The following XKR9 variants were observed in gnomAD, a reference collection of about 807,000 sequenced individuals.
XKR9 encodes XK related 9.
Under a neutral mutation model 32.0 loss-of-function variants are expected in XKR9, and 32 were observed. The ratio of observed to expected loss-of-function variants is 1.00; its 90% CI spans 0.76 to 1.34. The LOEUF (loss-of-function observed/expected upper bound fraction) is 1.34. Ranked by LOEUF, XKR9 falls within the 40% of genes most tolerant of loss-of-function variation. The probability of loss-of-function intolerance (pLI) is 0.00; values close to 1 mark genes in which losing one functional copy is unlikely to be tolerated. For synonymous variants in XKR9, 168 were observed against 143.4 expected, an observed-to-expected ratio of 1.17 and a Z score of -1.22; for missense variants, 546 against 429.7, an observed-to-expected ratio of 1.27 and a Z score of -2.39.
At chr8:71,000,899 G>A in the XKR9 span, among the ~76,000 whole-genome samples, 4 of 152,158 alleles carry the variant, frequency 2.6e-5, no homozygotes, top group Non-Finnish European at 5.9e-5. Flanking sequence ...GAAATGAGAG[G>A]GCTACTTCTT....
At chr8:70,705,381 T>G (rs559744646) in intron 3 of XKR9, among the ~76,000 whole-genome samples, 1 of 152,236 alleles carries the variant, frequency 6.6e-6, no homozygotes, top group African/African-American at 2.4e-5. Flanking sequence ...AGAAAAATAA[T>G]ATAGGGTAAA....
Position 70,744,560 on chromosome 8 carries a change from T to C in XKR9, n.352+37407T>C, listed in dbSNP as rs142488293. On this transcript the variant is annotated intron_variant and non_coding_transcript_variant, in intron 2 of 3. Coordinates refer to the XKR9 transcript ENST00000520273. ...ATTTTTTGTGAAACCATGCTATCTTTATCTGATGAATAGGTTACCTACAGC... is the reference window on the plus strand; with the variant it reads ...ATTTTTTGTGAAACCATGCTATCTTCATCTGATGAATAGGTTACCTACAGC... Among the ~76,000 whole-genome samples, 3 of 152,346 alleles carry C rather than the reference T, an allele frequency of 2.0e-5. No homozygotes were observed. The East Asian group carries it at 5.8e-4, about 29-fold the overall frequency.
chr8:70,967,065 C>CTT, the XKR9 span, among the ~76,000 whole-genome samples: 3 of 101,282 alleles, frequency 3.0e-5, no homozygotes, highest in East Asian at 4.4e-4. Flanking sequence ...GATCTTGACT[C>CTT]TTTTTTTTTT....
At chr8:70,937,794 G>C in the XKR9 span, among the ~76,000 whole-genome samples, 1 of 152,060 alleles carries the variant, frequency 6.6e-6, no homozygotes, top group Non-Finnish European at 1.5e-5. Flanking sequence ...AGGGCTTCCA[G>C]CACACTGACC....
the XKR9 span, among the ~76,000 whole-genome samples, chr8:71,026,810 T>C: frequency 6.6e-6 from 1 of 152,168 alleles, no homozygotes; most frequent in Non-Finnish European, 1.5e-5. Flanking sequence ...ATGTGACCCA[T>C]GAGATGTTCA....
chr8:70,762,662 T>C (rs1807324135), intron 2 of XKR9, among the ~76,000 whole-genome samples: 1 of 152,174 alleles, frequency 6.6e-6, no homozygotes, highest in South Asian at 2.1e-4. Context: ...TTTTTGAAAA[T>C]AATAATATAT....
chr8:70,875,040 T>G, the XKR9 span, among the ~76,000 whole-genome samples: 1 of 152,212 alleles, frequency 6.6e-6, no homozygotes, highest in Non-Finnish European at 1.5e-5. Flanking sequence ...AAATCAGATT[T>G]CTGTTACTAG....
chr8:70,898,614 A>T, the XKR9 span, among the ~76,000 whole-genome samples: 1 of 152,168 alleles, frequency 6.6e-6, no homozygotes, highest in Non-Finnish European at 1.5e-5. Context: ...TGTAAGTTTC[A>T]CATATTTGGG....
Position 70,734,296 on chromosome 8 carries a change from G to A in XKR9, c.994G>A (p.Gly332Arg). The A allele has an allele frequency of 6.2e-7, 1 of 1,612,234 alleles. No individual in the cohort carries two copies. Among genetic ancestry groups the A allele is most frequent in the Non-Finnish European group, 8.5e-7 (1 of 1,179,236 alleles). The change falls in exon 5 of 5, where the codon GGA becomes AGA. Residue 332 changes from glycine (G) to arginine (R), a missense_variant. Coordinates refer to ENST00000408926, the MANE Select transcript of XKR9 (RefSeq NM_001011720.2). ...SITIVLTLLL[G>R]ILFLIVYYGS... ...AACTATAGTTCTTACTCTTCTTCTT[G>A]GAATTCTTTTTCTTATTGTTTATTA... is the stretch of plus-strand genomic sequence containing the variant.
At chr8:70,964,836 A>G in the XKR9 span, among the ~76,000 whole-genome samples, 1 of 152,212 alleles carries the variant, frequency 6.6e-6, no homozygotes, top group African/African-American at 2.4e-5. Context: ...TATCATCTTA[A>G]GAAGCTTTTG....
the XKR9 span, among the ~76,000 whole-genome samples, chr8:71,043,591 C>T: frequency 6.6e-6 from 1 of 152,126 alleles, no homozygotes; most frequent in African/African-American, 2.4e-5. Context: ...AGGAAAGATG[C>T]GTTATTTCAT....
rs1806780720 is a variant in XKR9, at chr8:70,734,168, GTTA to G, written c.871_873del (p.Tyr291del). The G allele has an allele frequency of 3.7e-6, 6 of 1,613,022 alleles. No homozygotes were observed. Among genetic ancestry groups the G allele is most frequent in the South Asian group, 2.2e-5 (2 of 91,032 alleles). ...CAGAATACCAAGTGTCCAATGTCTTGTTATTATATTGTTAGGGTACTGGGCACT... is the reference window on the plus strand; with the variant it reads ...CAGAATACCAAGTGTCCAATGTCTTGTTATATTGTTAGGGTACTGGGCACT... On this transcript the variant is annotated inframe_deletion, in exon 5 of 5. Coordinates refer to ENST00000408926, the MANE Select transcript of XKR9 (RefSeq NM_001011720.2).
At chr8:70,697,588 G>T in intron 3 of XKR9, among the ~76,000 whole-genome samples, 1 of 148,914 alleles carries the variant, frequency 6.7e-6, no homozygotes, top group Non-Finnish European at 1.5e-5. Context: ...CGGTTTGCCA[G>T]TATTTTATTG....
At chr8:70,951,826 G>C in the XKR9 span, among the ~76,000 whole-genome samples, 1 of 151,662 alleles carries the variant, frequency 6.6e-6, no homozygotes, top group Non-Finnish European at 1.5e-5. Context: ...GTCAATAGCA[G>C]CCTGGCCCCG....
At chr8:70,763,400 A>T (rs1450771085) in intron 2 of XKR9, among the ~76,000 whole-genome samples, 1 of 152,118 alleles carries the variant, frequency 6.6e-6, no homozygotes, top group Non-Finnish European at 1.5e-5. Flanking sequence ...GGTGTCTGTG[A>T]GTTGATGTTC....
the XKR9 span, among the ~76,000 whole-genome samples, chr8:70,865,448 G>C: frequency 6.7e-5 from 10 of 150,148 alleles, no homozygotes; most frequent in Non-Finnish European, 1.2e-4. Context: ...CCGGTGTAAG[G>C]TTCTGAGTCT....
the XKR9 span, among the ~76,000 whole-genome samples, chr8:70,977,333 G>A: frequency 1.3e-5 from 2 of 152,214 alleles, no homozygotes; most frequent in South Asian, 4.1e-4. Flanking sequence ...TGTGATGTTA[G>A]GGTGTTGATT....
chr8:70,671,093 A>G (rs988283004), intron 1 of XKR9, among the ~76,000 whole-genome samples: 1 of 152,214 alleles, frequency 6.6e-6, no homozygotes. Context: ...GTGCAGTGGC[A>G]CTATCATAGC....
intron 4 of XKR9, among the ~76,000 whole-genome samples, chr8:70,727,626 C>T (rs1046343676): frequency 6.6e-6 from 1 of 152,042 alleles, no homozygotes; most frequent in African/African-American, 2.4e-5. Context: ...TCTTGAACTC[C>T]TTACCTCATG....
Sources: gnomAD v4.1 joint callset for allele counts (sites outside exome capture counted in the v4.1 genomes callset) on GRCh38, gnomAD v4.1.1 for gene constraint, MANE v1.5 for transcripts, NCBI Gene and HGNC (gene_info 2026-07-23, HGNC 2026-07-21) for gene names.